NRXN1: variants seen among roughly 807,000 people sequenced by gnomAD.
NRXN1 encodes neurexin-1.
In NRXN1, 39 loss-of-function variants were observed where a neutral mutation model predicts 150.9. That is an observed-to-expected ratio of 0.26 (90% CI 0.20 to 0.34). The LOEUF is 0.34. Among genes scored for constraint, NRXN1 ranks in the 10% least tolerant of loss-of-function variants. The probability of loss-of-function intolerance (pLI) is 1.00; values close to 1 mark genes in which losing one functional copy is unlikely to be tolerated. For synonymous variants in NRXN1, 924 were observed against 757.0 expected, an observed-to-expected ratio of 1.22 and a Z score of -3.62; for missense variants, 1,815 against 1,949.9, an observed-to-expected ratio of 0.93 and a Z score of 1.30.
intron 5 of NRXN1, among the ~76,000 whole-genome samples, chr2:50,793,786 A>G (rs1211976125): frequency 6.6e-6 from 1 of 152,052 alleles, no homozygotes; most frequent in African/African-American, 2.4e-5. Flanking sequence ...ATGCAAAAAG[A>G]GCCTGGAACC....
chr2:50,481,961 G>T (rs1293048743), intron 15 of NRXN1, among the ~76,000 whole-genome samples: 1 of 139,876 alleles, frequency 7.1e-6, no homozygotes, highest in Non-Finnish European at 1.5e-5. Flanking sequence ...GTAGAGACGG[G>T]GTTTCACCGT....
intron 8 of NRXN1, among the ~76,000 whole-genome samples, chr2:50,603,071 T>C (rs529983910): frequency 1.3e-5 from 2 of 152,312 alleles, no homozygotes; most frequent in African/African-American, 2.4e-5. Context: ...ACAAGCACCA[T>C]ACCTCTCAGA....
chr2:50,122,039 A>T (rs1703931313), intron 18 of NRXN1, among the ~76,000 whole-genome samples: 1 of 152,236 alleles, frequency 6.6e-6, no homozygotes, highest in South Asian at 2.1e-4. Context: ...TTTCATAAAA[A>T]GTCTGTTTGG....
chr2:50,668,139 G>A (rs1333315153), intron 5 of NRXN1, among the ~76,000 whole-genome samples: 2 of 151,912 alleles, frequency 1.3e-5, no homozygotes, highest in Non-Finnish European at 1.5e-5. Flanking sequence ...TTTCAACAAA[G>A]CCTCCATTTT....
At chr2:50,801,246 A>AT (rs1185916376) in intron 5 of NRXN1, among the ~76,000 whole-genome samples, 1 of 152,144 alleles carries the variant, frequency 6.6e-6, no homozygotes, top group African/African-American at 2.4e-5. Context: ...ACAAAACTCA[A>AT]TTTTTCTGAG....
chr2:51,017,825 T>A (rs1164342622), intron 2 of NRXN1, among the ~76,000 whole-genome samples: 1 of 152,112 alleles, frequency 6.6e-6, no homozygotes, highest in Non-Finnish European at 1.5e-5. Flanking sequence ...CATTATTTGC[T>A]GGAAAATAAA....
chr2:50,465,658 G>T (rs1388295923), intron 16 of NRXN1, 97 bp from the exon 17 acceptor site: 11 of 1,298,302 alleles, frequency 8.5e-6, no homozygotes, highest in Non-Finnish European at 1.1e-5. Flanking sequence ...CAACACCACA[G>T]ATGATATGTC....
chr2:51,030,051 C>A (rs192058135), intron 1 of NRXN1, among the ~76,000 whole-genome samples: 1 of 152,232 alleles, frequency 6.6e-6, no homozygotes, highest in Non-Finnish European at 1.5e-5. Context: ...TAAATCACTT[C>A]TCTTTATTCA....
chr2:50,778,773 C>T (rs1204734307), intron 5 of NRXN1, among the ~76,000 whole-genome samples: 1 of 152,144 alleles, frequency 6.6e-6, no homozygotes, highest in Non-Finnish European at 1.5e-5. Context: ...GTGCAAGCTG[C>T]TGATGTTCGT....
At chr2:50,486,104 A>G (rs147725631) in intron 15 of NRXN1, among the ~76,000 whole-genome samples, 218 of 152,322 alleles carry the variant, frequency 1.4e-3, no homozygotes, top group African/African-American at 5.1e-3. Context: ...ACCTTAACAC[A>G]ATACATTTTA....
rs1187611010 is a variant in NRXN1, at chr2:49,920,188, T to TGATA, written c.*1752_*1755dup. The TGATA allele has an allele frequency of 6.6e-6, 1 of 152,140 alleles. No individual in the cohort carries two copies. The highest frequency in any genetic ancestry group is 1.5e-5 in the Non-Finnish European group (1 of 68,010). The allele number at this position is 152,140 out of a possible 1,614,324, so 9.4% of individuals were successfully genotyped here. ...TGTGTTAAACTAAAACTATATTTAATGATATATATGTAAAACCAGAAAAGT... is the reference window on the plus strand; with the variant it reads ...TGTGTTAAACTAAAACTATATTTAATGATAGATATATATGTAAAACCAGAAAAGT... On this transcript the variant is annotated 3_prime_UTR_variant, in exon 23 of 23. Coordinates refer to ENST00000401669, the MANE Select transcript of NRXN1 (RefSeq NM_001330078.2).
chr2:50,590,148 G>C (rs931129688), intron 8 of NRXN1, among the ~76,000 whole-genome samples: 5 of 152,052 alleles, frequency 3.3e-5, no homozygotes, highest in Non-Finnish European at 5.9e-5. Flanking sequence ...TGCTACAAAA[G>C]CATTTTTAGA....
intron 5 of NRXN1, among the ~76,000 whole-genome samples, chr2:50,883,060 C>T (rs1679688226): frequency 1.3e-5 from 2 of 151,780 alleles, no homozygotes; most frequent in Admixed American, 6.6e-5. Flanking sequence ...TATAACACCA[C>T]AGCTATTTAA....
Position 51,027,551 on chromosome 2 carries a change from G to C in NRXN1, c.723C>G (p.Ala241=), listed in dbSNP as rs200153066. The change falls in exon 2 of 23, where the codon GCC becomes GCG. Residue 241 remains alanine (A), a synonymous_variant. Coordinates refer to ENST00000401669, the MANE Select transcript of NRXN1 (RefSeq NM_001330078.2). ...GGVCSVVDDQ[A]VCDCSRTGFR... ...AGCCGGTTCGCGAGCAGTCGCACAC[G>C]GCCTGGTCGTCCACCACGGAGCACA... is the stretch of plus-strand genomic sequence containing the variant. 154 of 1,591,276 alleles carry C rather than the reference G, an allele frequency of 9.7e-5. 2 individuals are homozygous for C. The African/African-American group carries it at 1.5e-3, about 16-fold the overall frequency.
At position 50,573,721 on chromosome 2, in the gene NRXN1, C is replaced by G. The variant is rs192160565; in HGVS notation, c.1321-20696G>C. Among the ~76,000 whole-genome samples the G allele has an allele frequency of 7.8e-3, 1,168 of 149,522 alleles. 13 individuals carry two copies. The highest frequency in any genetic ancestry group is 0.026 in the African/African-American group (1,048 of 40,808). ...AATCTGCGCTTATAGATTCTGCCAA[C>G]AGCGGATGGAAGATATTTGAAAATA... On this transcript the variant is annotated intron_variant, in intron 8 of 22. Transcript: ENST00000401669.
chr2:51,028,078 G>A lies in NRXN1; in HGVS notation c.196C>T (p.Leu66Phe). Reference protein sequence around the residue: ...FQLKTRSARGLVLYFDDEGFC... With the variant: ...FQLKTRSARGFVLYFDDEGFC... ...CCCTCGTCGTCGAAGTAGAGCACGA[G>A]GCCGCGGGCGCTGCGAGTCTTGAGC... The change falls in exon 2 of 23, where the codon CTC becomes TTC. Residue 66 changes from leucine (L) to phenylalanine (F), a missense_variant. By Grantham distance (22) the Leu-to-Phe change is conservative (BLOSUM62 0). Around this residue, in one of 6 missense-constraint regions of NRXN1, gnomAD observed 554 missense variants for 478.8 expected, o/e 1.16. Coordinates refer to ENST00000401669, the MANE Select transcript of NRXN1 (RefSeq NM_001330078.2). The A allele has an allele frequency of 6.3e-7, 1 of 1,590,388 alleles. No homozygotes were observed. The highest frequency in any genetic ancestry group is 1.1e-5 in the South Asian group (1 of 89,774).
intron 5 of NRXN1, among the ~76,000 whole-genome samples, chr2:50,852,133 C>A (rs554796651): frequency 6.6e-6 from 1 of 152,204 alleles, no homozygotes; most frequent in South Asian, 2.1e-4. Context: ...TATAGAGATG[C>A]AAGGTGAATA....
chr2:50,135,994 C>T (rs934355117), intron 18 of NRXN1, among the ~76,000 whole-genome samples: 86 of 152,196 alleles, frequency 5.7e-4, no homozygotes, highest in African/African-American at 2.0e-3. Context: ...TTCAAAAATG[C>T]AACCCAGGGA....
In NRXN1 at chr2:50,055,027, G is replaced by A. The variant is rs1230553848; in HGVS notation, c.3736C>T (p.Arg1246Cys). The A allele has an allele frequency of 1.3e-6, 2 of 1,598,542 alleles. No individual in the cohort carries two copies. Among genetic ancestry groups the A allele is most frequent in the Non-Finnish European group, 1.7e-6 (2 of 1,173,636 alleles). Reference sequence around the variant, plus strand: ...ATTCGCTGTCTAGCAATCGCCAGGCGCTCGTTATCATTGTTTCCTTTAAAG... The same window carrying A: ...ATTCGCTGTCTAGCAATCGCCAGGCACTCGTTATCATTGTTTCCTTTAAAG... ...RYPAGNNDNE[R>C]LAIARQRIPY... The change falls in exon 20 of 23, where the codon CGC becomes TGC. Residue 1246 changes from arginine to cysteine, a missense_variant. This residue lies in a region of NRXN1 where 339 missense variants were observed against 440.3 expected (regional missense o/e 0.77). Transcript: ENST00000401669.
Sources: allele counts gnomAD v4.1 joint callset (sites outside exome capture counted in the v4.1 genomes callset), GRCh38; gene constraint gnomAD v4.1.1; regional missense constraint gnomAD v4.1.1; transcripts MANE v1.5; gene names NCBI Gene and HGNC (gene_info 2026-07-23, HGNC 2026-07-21).